XXYLT1: variants seen among roughly 807,000 people sequenced by gnomAD.
The protein encoded by XXYLT1 is xyloside xylosyltransferase 1.
XXYLT1 carries 20 observed loss-of-function variants against 28.9 expected under a neutral mutation model. The ratio of observed to expected loss-of-function variants is 0.69; its 90% CI spans 0.49 to 1.00. The LOEUF is 1.00. Among genes scored for constraint, XXYLT1 ranks in the 50% least tolerant of loss-of-function variants. The pLI is 0.00. For missense variants in XXYLT1, 542 were observed against 560.1 expected (o/e 0.97, Z 0.33); for synonymous variants, 257 against 253.8 (o/e 1.01, Z -0.12).
intron 1 of XXYLT1, among the ~76,000 whole-genome samples, chr3:195,238,032 G>A (rs1376326277): frequency 2.0e-5 from 3 of 152,042 alleles, no homozygotes; most frequent in Non-Finnish European, 4.4e-5. Context: ...AGAGAAATTC[G>A]TTTTTCTCTC....
In XXYLT1 at chr3:195,124,046, C is replaced by T. The variant is rs775571037; in HGVS notation, c.785+32403G>A. 4.6e-5 allele frequency among the ~76,000 whole-genome samples: 7 copies of T among 152,346 alleles called. No homozygotes were observed. The highest frequency in any genetic ancestry group is 2.1e-4 in the South Asian group (1 of 4,824). On this transcript the variant is annotated intron_variant, in intron 3 of 3. Transcript: ENST00000310380. The surrounding 1 kb of genome is among the most constrained non-coding windows in gnomAD (Gnocchi z 4.1). ...ACTTCTAGGAGCCTTTAGTGTGCTCCGTGAATCTAGAAGAGGGGGAATAAA... is the reference window on the plus strand; with the variant it reads ...ACTTCTAGGAGCCTTTAGTGTGCTCTGTGAATCTAGAAGAGGGGGAATAAA...
At chr3:195,122,098 T>C in intron 3 of XXYLT1, 2 of 702,982 alleles carry the variant, frequency 2.8e-6, no homozygotes, top group Non-Finnish European at 5.2e-6. Flanking sequence ...CACTGCCCAG[T>C]TCACAGATGG....
chr3:195,087,778 A>G (rs1007052298), intron 3 of XXYLT1, among the ~76,000 whole-genome samples: 2 of 152,164 alleles, frequency 1.3e-5, no homozygotes, highest in African/African-American at 4.8e-5. Flanking sequence ...TACCGGGTTC[A>G]TCTCACTAGG....
At position 195,076,832 on chromosome 3, in the gene XXYLT1, C is replaced by G. The variant is rs1331315697; in HGVS notation, c.786-6721G>C. Among the ~76,000 whole-genome samples, 1 of 152,182 alleles carries G rather than the reference C, an allele frequency of 6.6e-6. No individual in the cohort carries two copies. The highest frequency in any genetic ancestry group is 2.4e-5 in the African/African-American group (1 of 41,440). On this transcript the variant is annotated intron_variant, in intron 3 of 3. Transcript: ENST00000310380. The surrounding 1 kb of genome is among the most constrained non-coding windows in gnomAD (Gnocchi z 5.3). ...GCCTCTGTGTCCACATTGCCCCTTT[C>G]TATCAAGACGCCAGCCATAAGGATC...
intron 1 of XXYLT1, among the ~76,000 whole-genome samples, chr3:195,238,103 G>A (rs1034073241): frequency 3.3e-5 from 5 of 152,164 alleles, no homozygotes; most frequent in Admixed American, 6.5e-5. Flanking sequence ...GAATCCTCTA[G>A]CAAGGCCTCT....
intron 3 of XXYLT1, among the ~76,000 whole-genome samples, chr3:195,104,652 G>T (rs1000044717): frequency 6.6e-6 from 1 of 152,222 alleles, no homozygotes; most frequent in Non-Finnish European, 1.5e-5. Context: ...GTTCAGCTGA[G>T]GCCAGGGGTT....
At chr3:195,182,909 C>A (rs1301484152) in intron 2 of XXYLT1, among the ~76,000 whole-genome samples, 1 of 152,094 alleles carries the variant, frequency 6.6e-6, no homozygotes, top group Non-Finnish European at 1.5e-5. Flanking sequence ...AACGTATGTA[C>A]CAACAATAGA....
At chr3:195,106,899 CG>C (rs5855613) in intron 3 of XXYLT1, among the ~76,000 whole-genome samples, 150,864 of 152,262 alleles carry the variant, frequency 0.99, 74,747 homozygotes, top group East Asian at 1. Context: ...GTGGGGGTGA[CG>C]GGGGGAGGAG....
chr3:195,154,606 A>G (rs890230521), intron 3 of XXYLT1, among the ~76,000 whole-genome samples: 1 of 152,140 alleles, frequency 6.6e-6, no homozygotes, highest in African/African-American at 2.4e-5. Flanking sequence ...CTCCCTCCCA[A>G]GGGCTTGCAG....
Position 195,069,706 on chromosome 3 carries a change from G to C in XXYLT1, c.*9C>G. The C allele has an allele frequency of 6.2e-7, 1 of 1,604,976 alleles. No homozygotes were observed. ...TCTGGAGGCCCCGGGGGCAAGGCAC[G>C]GGGAGCGCCTAGTCCTCCGGGATGG... On this transcript the variant is annotated 3_prime_UTR_variant, in exon 4 of 4. Transcript: ENST00000310380.
In XXYLT1 at chr3:195,124,568, C is replaced by T. The variant is rs1035553220; in HGVS notation, c.785+31881G>A. On this transcript the variant is annotated intron_variant, in intron 3 of 3. Coordinates refer to ENST00000310380, the MANE Select transcript of XXYLT1 (RefSeq NM_152531.5). This position sits in a 1 kb window ranked among gnomAD's most constrained non-coding sequence, Gnocchi z 4.1. ...GGACCACGTTTGTTTTGCTCACGAA[C>T]GCAGCCCCAGCACCTGGCACAGTGT... 7.9e-5 allele frequency among the ~76,000 whole-genome samples: 12 copies of T among 152,210 alleles called. No individual in the cohort carries two copies. The highest frequency in any genetic ancestry group is 1.9e-4 in the African/African-American group (8 of 41,454).
chr3:195,088,301 G>A (rs1715896977), intron 3 of XXYLT1, among the ~76,000 whole-genome samples: 3 of 150,372 alleles, frequency 2.0e-5, no homozygotes, highest in East Asian at 4.0e-4. Context: ...CAGCTTTGAA[G>A]AGAGCAGTGG....
chr3:195,168,115 C>T lies in XXYLT1; in HGVS notation c.653-11534G>A, dbSNP rs1174054471. On this transcript the variant is annotated intron_variant, in intron 2 of 3. Transcript: ENST00000310380. The surrounding 1 kb of genome is among the most constrained non-coding windows in gnomAD (Gnocchi z 4.3). ...AGTAGGTAGGGCCCTGGGATAGAGC[C>T]GTGGCTCACCGGCCTGGCTATGGCA... Among the ~76,000 whole-genome samples the T allele has an allele frequency of 6.6e-6, 1 of 152,160 alleles. No homozygotes were observed. Among genetic ancestry groups the T allele is most frequent in the Non-Finnish European group, 1.5e-5 (1 of 68,028 alleles).
intron 3 of XXYLT1, among the ~76,000 whole-genome samples, chr3:195,145,533 TC>T (rs1473151834): frequency 0.023 from 3,415 of 146,712 alleles, 421 homozygotes; most frequent in African/African-American, 0.084. Flanking sequence ...TGCGAGCATC[TC>T]TGTGAAGCCA....
intron 2 of XXYLT1, among the ~76,000 whole-genome samples, chr3:195,192,980 AG>A (rs1252520961): frequency 6.6e-6 from 1 of 152,186 alleles, no homozygotes; most frequent in African/African-American, 2.4e-5. Context: ...AATCAAAAAA[AG>A]AAATTCAAAA....
At chr3:195,089,989 T>C (rs1716039787) in intron 3 of XXYLT1, among the ~76,000 whole-genome samples, 1 of 150,200 alleles carries the variant, frequency 6.7e-6, no homozygotes, top group Non-Finnish European at 1.5e-5. Context: ...ATCCTAAATA[T>C]ATATGCACCC....
At chr3:195,090,477 A>G (rs1189669575) in intron 3 of XXYLT1, among the ~76,000 whole-genome samples, 1 of 149,892 alleles carries the variant, frequency 6.7e-6, no homozygotes, top group Non-Finnish European at 1.5e-5. Context: ...CTTTGAAACC[A>G]ACAAGAACAA....
intron 2 of XXYLT1, among the ~76,000 whole-genome samples, chr3:195,158,335 G>A (rs925396241): frequency 3.3e-5 from 5 of 152,170 alleles, no homozygotes; most frequent in African/African-American, 1.2e-4. Flanking sequence ...TTCTGGAGAG[G>A]GCATTCCTTG....
At chr3:195,083,097 C>T (rs568794940) in intron 3 of XXYLT1, among the ~76,000 whole-genome samples, 45 of 152,280 alleles carry the variant, frequency 3.0e-4, no homozygotes, top group African/African-American at 7.9e-4. Flanking sequence ...CAGGATAGAG[C>T]GCCCGGCCCC....
Sources: allele counts gnomAD v4.1 joint callset (sites outside exome capture counted in the v4.1 genomes callset), GRCh38; gene constraint gnomAD v4.1.1; non-coding constraint Gnocchi (gnomAD v3.1); transcripts MANE v1.5; gene names NCBI Gene and HGNC (gene_info 2026-07-23, HGNC 2026-07-21).